Variants in INSL6 observed in about 807,000 individuals in gnomAD.
The protein encoded by INSL6 is insulin-like peptide INSL6.
Under a neutral mutation model 9.4 loss-of-function variants are expected in INSL6, and 16 were observed. That is an observed-to-expected ratio of 1.70 (90% CI 1.15 to 2.59). The LOEUF (loss-of-function observed/expected upper bound fraction) is 2.59, where lower values mean the gene tolerates loss of function less well. Among genes scored for constraint, INSL6 ranks in the 30% most tolerant of loss-of-function variants. The probability of loss-of-function intolerance (pLI) is 0.00; values close to 1 mark genes in which losing one functional copy is unlikely to be tolerated. For missense variants in INSL6, 391 were observed against 257.3 expected (o/e 1.52, Z -3.56); for synonymous variants, 154 against 96.9 (o/e 1.59, Z -3.46).
chr9:5,170,665 C>A (rs1475670316), intron 1 of INSL6, among the ~76,000 whole-genome samples: 1 of 151,690 alleles, frequency 6.6e-6, no homozygotes, highest in Non-Finnish European at 1.5e-5. Flanking sequence ...GATATCACCA[C>A]TGACCCCACA....
At chr9:5,166,548 C>T (rs1328919) in intron 1 of INSL6, among the ~76,000 whole-genome samples, 55,782 of 151,898 alleles carry the variant, frequency 0.37, 11,398 homozygotes, top group African/African-American at 0.56. Context: ...TGAATGCTTA[C>T]ACATTTAAAA....
the INSL6 span, chr9:5,077,550 T>C: frequency 6.7e-7 from 1 of 1,495,578 alleles, no homozygotes; most frequent in Non-Finnish European, 8.9e-7. Flanking sequence ...TTGAAGTTGC[T>C]AAACAGTTGG....
the INSL6 span, among the ~76,000 whole-genome samples, chr9:5,020,329 C>T: frequency 1.3e-5 from 2 of 152,214 alleles, no homozygotes; most frequent in East Asian, 1.9e-4. Context: ...TGGTGCGATC[C>T]CAAGGCCCCC....
At chr9:5,079,661 C>T in the INSL6 span, among the ~76,000 whole-genome samples, 1 of 151,902 alleles carries the variant, frequency 6.6e-6, no homozygotes, top group Non-Finnish European at 1.5e-5. Context: ...AAGATTTGGC[C>T]AGGTGCAGTG....
chr9:5,173,573 C>G (rs1338475007), intron 1 of INSL6, among the ~76,000 whole-genome samples: 1 of 151,548 alleles, frequency 6.6e-6, no homozygotes, highest in Non-Finnish European at 1.5e-5. Context: ...ATCACGTGAA[C>G]ATGGGGAAGC....
intron 2 of INSL6, among the ~76,000 whole-genome samples, chr9:5,141,543 G>GT (rs936780043): frequency 2.0e-5 from 3 of 151,880 alleles, no homozygotes; most frequent in East Asian, 1.9e-4. Flanking sequence ...ACTTTTTAAT[G>GT]TTTTTTCCCT....
At chr9:5,180,375 G>A (rs1374655269) in intron 1 of INSL6, among the ~76,000 whole-genome samples, 1 of 152,142 alleles carries the variant, frequency 6.6e-6, no homozygotes, top group Non-Finnish European at 1.5e-5. Flanking sequence ...CAACTGTAAG[G>A]TCTGACTGCC....
chr9:5,030,160 A>G, the INSL6 span, among the ~76,000 whole-genome samples: 5 of 152,162 alleles, frequency 3.3e-5, 1 homozygote, highest in South Asian at 2.1e-4. Flanking sequence ...TTATAATTAA[A>G]TAAGTAAACA....
At chr9:5,005,699 T>C in the INSL6 span, among the ~76,000 whole-genome samples, 1 of 152,230 alleles carries the variant, frequency 6.6e-6, no homozygotes, top group Non-Finnish European at 1.5e-5. Flanking sequence ...GTGTTTTTTA[T>C]TTTCTATTTC....
At chr9:5,112,573 C>T in the INSL6 span, 456 of 665,766 alleles carry the variant, frequency 6.8e-4, 2 homozygotes, top group African/African-American at 7.6e-3. Context: ...GGAGCGGCTG[C>T]GGGTCCCTTA....
chr9:5,166,644 A>T (rs1328614070), intron 1 of INSL6, among the ~76,000 whole-genome samples: 1 of 152,196 alleles, frequency 6.6e-6, no homozygotes, highest in South Asian at 2.1e-4. Flanking sequence ...GTGTACCAAC[A>T]ATATTCAAAG....
the INSL6 span, among the ~76,000 whole-genome samples, chr9:5,049,649 C>T: frequency 6.6e-6 from 1 of 152,174 alleles, no homozygotes; most frequent in Non-Finnish European, 1.5e-5. Flanking sequence ...AAATTTTGGT[C>T]CCCTTGATGA....
downstream of INSL6, among the ~76,000 whole-genome samples, chr9:5,122,738 T>C (rs181736088): frequency 4.6e-5 from 7 of 152,068 alleles, no homozygotes; most frequent in Non-Finnish European, 8.8e-5. Context: ...AGAAGAAAAG[T>C]AGATGTCAGC....
chr9:5,040,750 G>C, the INSL6 span, among the ~76,000 whole-genome samples: 1 of 152,248 alleles, frequency 6.6e-6, no homozygotes, highest in South Asian at 2.1e-4. Flanking sequence ...GTCCGGGACC[G>C]TGGTGTGCCA....
At chr9:5,025,978 CT>C in the INSL6 span, among the ~76,000 whole-genome samples, 1 of 152,072 alleles carries the variant, frequency 6.6e-6, no homozygotes, top group African/African-American at 2.4e-5. Context: ...TATAATTATG[CT>C]TTTTAAAAGT....
rs377300341 is a variant in INSL6 at position 5,139,324 on chromosome 9, A to G, written c.377-5732T>C. ...GTTCATAGTTGGATTACTACATCCTATCCATCAAACAAATTAATTGCACAA... is the reference window on the plus strand; with the variant it reads ...GTTCATAGTTGGATTACTACATCCTGTCCATCAAACAAATTAATTGCACAA... On this transcript the variant is annotated intron_variant, in intron 2 of 3. Coordinates refer to the INSL6 transcript ENST00000649639. 7.9e-4 allele frequency among the ~76,000 whole-genome samples: 120 copies of G among 152,288 alleles called. 1 individual carries two copies. Among genetic ancestry groups the G allele is most frequent in the African/African-American group, 2.7e-3 (113 of 41,564 alleles).
At chr9:5,170,814 C>T (rs1473703722) in intron 1 of INSL6, among the ~76,000 whole-genome samples, 1 of 152,118 alleles carries the variant, frequency 6.6e-6, no homozygotes, top group Non-Finnish European at 1.5e-5. Context: ...CCTGAATAGA[C>T]TAATAACAAG....
chr9:5,130,450 A>C (rs896197585), intron 3 of INSL6, among the ~76,000 whole-genome samples: 2 of 152,218 alleles, frequency 1.3e-5, no homozygotes, highest in Non-Finnish European at 2.9e-5. Context: ...CAGAGACAAC[A>C]GGCAGCTAAG....
the INSL6 span, among the ~76,000 whole-genome samples, chr9:5,048,793 T>C: frequency 2.6e-5 from 4 of 152,208 alleles, no homozygotes; most frequent in Middle Eastern, 3.2e-3. Context: ...TTTAATTTCA[T>C]GAGACAAGTT....
Sources: gnomAD v4.1 joint callset for allele counts (sites outside exome capture counted in the v4.1 genomes callset) on GRCh38, gnomAD v4.1.1 for gene constraint, MANE v1.5 for transcripts, NCBI Gene and HGNC (gene_info 2026-07-23, HGNC 2026-07-21) for gene names.